Variants in PCDHA6 observed in about 807,000 individuals in gnomAD.
PCDHA6 encodes the protein protocadherin alpha-6.
Under a neutral mutation model 60.3 loss-of-function variants are expected in PCDHA6, and 55 were observed. The observed-to-expected ratio is 0.91, with a 90% CI of 0.73 to 1.14. PCDHA6 has a LOEUF of 1.14. Ranked by LOEUF, PCDHA6 falls within the 50% of genes most tolerant of loss-of-function variation. The pLI is 0.00. For synonymous variants in PCDHA6, 652 were observed against 557.9 expected (o/e 1.17, Z -2.38); for missense variants, 1,327 against 1,256.5 (o/e 1.06, Z -0.85).
At chr5:140,869,920 G>GTC in intron 1 of PCDHA6, 1 of 1,611,398 alleles carries the variant, frequency 6.2e-7, no homozygotes, top group Non-Finnish European at 8.5e-7. Context: ...AGACGAAGGA[G>GTC]TCAATGGAGA....
At chr5:140,999,114 T>C (rs2097847387) in intron 3 of PCDHA6, among the ~76,000 whole-genome samples, 2 of 152,180 alleles carry the variant, frequency 1.3e-5, no homozygotes, top group Non-Finnish European at 2.9e-5. Context: ...CTAGCAACCA[T>C]TTCTAAGCTG....
intron 1 of PCDHA6, chr5:140,927,588 A>G (rs914756357): frequency 1.9e-6 from 3 of 1,614,210 alleles, no homozygotes; most frequent in East Asian, 2.2e-5. Context: ...ACGCGCCTGT[A>G]TTTGAGCGCT....
rs2150380151 is a variant in PCDHA6 at position 140,845,602 on chromosome 5, T to C, written c.2394+15117T>C. Among the ~76,000 whole-genome samples, 10 of 149,646 alleles carry C rather than the reference T, an allele frequency of 6.7e-5. 1 individual carries two copies. Among genetic ancestry groups the C allele is most frequent in the African/African-American group, 2.4e-4 (10 of 40,860 alleles). On this transcript the variant is annotated intron_variant, in intron 1 of 3. Coordinates refer to ENST00000529310, the MANE Select transcript of PCDHA6 (RefSeq NM_018909.4). ...TTGAAATGTGTCAGAAGTTAGTTATTAAGTATTGTGGATTCTGAAGCTCTC... is the reference window on the plus strand; with the variant it reads ...TTGAAATGTGTCAGAAGTTAGTTATCAAGTATTGTGGATTCTGAAGCTCTC...
chr5:140,883,946 G>T (rs139225969), intron 1 of PCDHA6: 2 of 1,613,274 alleles, frequency 1.2e-6, no homozygotes, highest in Non-Finnish European at 1.7e-6. Flanking sequence ...GGACGAGAAC[G>T]ACAACGCTCC....
At chr5:140,860,049 G>C (rs2046155952) in intron 1 of PCDHA6, 1 of 151,206 alleles carries the variant, frequency 6.6e-6, no homozygotes, top group Non-Finnish European at 1.5e-5. Context: ...AGCATTTTGA[G>C]AGGCCAAGGT....
chr5:140,835,093 A>T (rs2150230722), intron 1 of PCDHA6: 1 of 1,240,950 alleles, frequency 8.1e-7, no homozygotes, highest in East Asian at 2.6e-5. Context: ...GACAACAATG[A>T]CAATGCCCCA....
chr5:140,968,869 C>T, intron 1 of PCDHA6: 1 of 1,614,210 alleles, frequency 6.2e-7, no homozygotes, highest in Non-Finnish European at 8.5e-7. Flanking sequence ...CTCGGACATA[C>T]TCTGAAATTA....
chr5:140,857,383 C>T (rs781834606), intron 1 of PCDHA6: 2 of 1,598,150 alleles, frequency 1.3e-6, no homozygotes, highest in Admixed American at 1.7e-5. Context: ...TGGAGGTGGC[C>T]GACGTGAACG....
intron 1 of PCDHA6, chr5:140,860,876 T>C (rs1451611710): frequency 6.6e-6 from 1 of 152,390 alleles, no homozygotes; most frequent in Non-Finnish European, 1.5e-5. Flanking sequence ...TAGCTGGGAC[T>C]ACAGGTGCCC....
At chr5:140,958,810 G>T (rs2095443726) in intron 1 of PCDHA6, among the ~76,000 whole-genome samples, 1 of 151,988 alleles carries the variant, frequency 6.6e-6, no homozygotes, top group Non-Finnish European at 1.5e-5. Context: ...ACACCATTCT[G>T]TTTTAATTTT....
chr5:140,927,309 C>T (rs2084071798), intron 1 of PCDHA6: 4 of 1,614,058 alleles, frequency 2.5e-6, no homozygotes, highest in Admixed American at 1.7e-5. Context: ...TCCTGACGCC[C>T]GGAGCCCGCT....
At chr5:140,849,600 A>G (rs2040983382) in intron 1 of PCDHA6, 1 of 1,598,580 alleles carries the variant, frequency 6.3e-7, no homozygotes, top group Non-Finnish European at 8.6e-7. Context: ...GGGGACAGTT[A>G]TTGCCCTGAT....
intron 1 of PCDHA6, chr5:140,929,631 A>G (rs1584645197): frequency 2.6e-6 from 1 of 386,808 alleles, no homozygotes; most frequent in Non-Finnish European, 4.7e-6. Flanking sequence ...TTTATAAGCA[A>G]CAGATGTGTA....
At chr5:140,856,951 A>G in intron 1 of PCDHA6, 2 of 1,593,156 alleles carry the variant, frequency 1.3e-6, no homozygotes, top group Non-Finnish European at 1.7e-6. Context: ...CGGGAGAAAT[A>G]AAAGTAAATG....
intron 1 of PCDHA6, among the ~76,000 whole-genome samples, chr5:140,899,342 C>T (rs1317774028): frequency 6.6e-6 from 1 of 152,044 alleles, no homozygotes; most frequent in African/African-American, 2.4e-5. Context: ...ATAGATAGCT[C>T]TTATTATTTT....
chr5:140,884,371 C>T, intron 1 of PCDHA6: 2 of 1,613,948 alleles, frequency 1.2e-6, no homozygotes, highest in Non-Finnish European at 1.7e-6. Flanking sequence ...TTTACTTGAT[C>T]ATTGCCATCT....
Position 140,927,704 on chromosome 5 carries a change from C to T in PCDHA6, c.2395-51245C>T, listed in dbSNP as rs782172290. ...GGGTCCAATGGGGAAGTCCAGTACT[C>T]CCTAAGCAACAGCACGCAAGCAGAG... On this transcript the variant is annotated intron_variant, in intron 1 of 3. Coordinates refer to ENST00000529310, the MANE Select transcript of PCDHA6 (RefSeq NM_018909.4). 6.2e-6 allele frequency: 10 copies of T among 1,614,072 alleles called. No homozygotes were observed. In the Admixed American group the frequency reaches 1.2e-4, roughly 19 times the overall value.
At chr5:140,980,616 G>A (rs2096898086) in intron 2 of PCDHA6, among the ~76,000 whole-genome samples, 4 of 151,912 alleles carry the variant, frequency 2.6e-5, no homozygotes, top group Admixed American at 2.0e-4. Context: ...GCGACAGTGC[G>A]AGACTCTGTC....
In PCDHA6 at chr5:140,883,616, G is replaced by GACAAC; in HGVS notation, c.2394+53132_2394+53136dup. On this transcript the variant is annotated intron_variant, in intron 1 of 3. Coordinates refer to ENST00000529310, the MANE Select transcript of PCDHA6 (RefSeq NM_018909.4). ...GTCGGTGGGGGTGGCCGACGTGAAC[G>GACAAC]ACAACGCGCCGGCGTTCGCGCAGCC... The GACAAC allele has an allele frequency of 3.1e-6, 5 of 1,614,014 alleles. No homozygotes were observed. The South Asian group carries it at 5.5e-5, about 18-fold the overall frequency.
Sources: allele counts gnomAD v4.1 joint callset (sites outside exome capture counted in the v4.1 genomes callset), GRCh38; gene constraint gnomAD v4.1.1; transcripts MANE v1.5; gene names NCBI Gene and HGNC (gene_info 2026-07-23, HGNC 2026-07-21).